The following CFAP53 variants were observed in gnomAD, a reference collection of about 807,000 sequenced individuals.
CFAP53 encodes the protein cilia and flagella associated protein 53.
In CFAP53, 62 loss-of-function variants were observed where a neutral mutation model predicts 59.7. The observed-to-expected ratio is 1.04, with a 90% CI of 0.85 to 1.28. CFAP53 has a LOEUF of 1.28. CFAP53 is among the 50% of genes most tolerant of loss of function. The pLI, the probability that CFAP53 is intolerant of heterozygous loss-of-function variation, is 0.00. For synonymous variants in CFAP53, 218 were observed against 205.7 expected (o/e 1.06, Z -0.51); for missense variants, 629 against 615.6 (o/e 1.02, Z -0.23).
chr18:50,252,848 T>C (rs556697680), intron 3 of CFAP53, among the ~76,000 whole-genome samples: 1 of 152,326 alleles, frequency 6.6e-6, no homozygotes, highest in East Asian at 1.9e-4. Flanking sequence ...ACCTTGTCTC[T>C]ACAAAAGTTT....
intron 7 of CFAP53, among the ~76,000 whole-genome samples, chr18:50,237,509 A>G (rs2033649540): frequency 1.3e-5 from 2 of 150,574 alleles, no homozygotes; most frequent in South Asian, 4.3e-4. Context: ...TGAGAATAAG[A>G]TCAGGCACAT....
At chr18:50,261,345 T>C in intron 2 of CFAP53, 108 bp from the exon 3 acceptor site, 2 of 1,207,834 alleles carry the variant, frequency 1.7e-6, no homozygotes, top group South Asian at 3.6e-5. Flanking sequence ...AAAAGAAAGA[T>C]CACTGCAGTC....
Position 50,266,406 on chromosome 18 carries a change from T to C in CFAP53, c.-2A>G. The C allele has an allele frequency of 6.2e-7, 1 of 1,614,230 alleles. No individual in the cohort carries two copies. Among genetic ancestry groups the C allele is most frequent in the South Asian group, 1.1e-5 (1 of 91,090 alleles). The stretch of plus-strand genomic sequence containing the variant: ...GGTGCCAAACCGCTGGCTGTACATT[T>C]TCGAGTCCCCTTCGGGACGGGGGCG... On this transcript the variant is annotated 5_prime_UTR_variant, in exon 1 of 8. Transcript: ENST00000398545.
At chr18:50,233,871 A>G (rs986450016) in intron 7 of CFAP53, among the ~76,000 whole-genome samples, 8 of 152,198 alleles carry the variant, frequency 5.3e-5, no homozygotes, top group Admixed American at 4.6e-4. Flanking sequence ...ATTTACACAC[A>G]CACCAAAAAC....
At chr18:50,243,319 T>C (rs1195051515) in intron 5 of CFAP53, among the ~76,000 whole-genome samples, 1 of 152,164 alleles carries the variant, frequency 6.6e-6, no homozygotes, top group African/African-American at 2.4e-5. Context: ...GAGACAAGAA[T>C]GGCCATCAGT....
chr18:50,227,410 T>C lies in CFAP53; in HGVS notation c.1516A>G (p.Lys506Glu). ...GGTGGAAGCTTACTGGGGCATGCCTTGCGCATGGGATGAATGTTTTGAGGC... is the reference window on the plus strand; with the variant it reads ...GGTGGAAGCTTACTGGGGCATGCCTCGCGCATGGGATGAATGTTTTGAGGC... ...VLPQNIHPMR[K>E]ACPSKLPP The change falls in exon 8 of 8, where the codon AAG becomes GAG. Residue 506 changes from lysine to glutamate, a missense_variant. Coordinates refer to ENST00000398545, the MANE Select transcript of CFAP53 (RefSeq NM_145020.5). 6.2e-7 allele frequency: 1 copy of C among 1,613,956 alleles called. No homozygotes were observed. Among genetic ancestry groups the C allele is most frequent in the Non-Finnish European group, 8.5e-7 (1 of 1,179,812 alleles).
At chr18:50,240,198 T>C (rs1046765332) in intron 6 of CFAP53, among the ~76,000 whole-genome samples, 3 of 151,824 alleles carry the variant, frequency 2.0e-5, no homozygotes, top group African/African-American at 7.3e-5. Flanking sequence ...CTCATTCAGA[T>C]TACCTGCTCC....
rs71169499 is a variant in CFAP53, at chr18:50,261,252, C to CAAAAAAAAAAAAAAAAAAAAAAA, written c.300-16_300-15insTTTTTTTTTTTTTTTTTTTTTTT. ...GCTCACGTAGCCTGAAACAAAAAGC[C>CAAAAAAAAAAAAAAAAAAAAAAA]AAAAAAAAAAAAAAAAAAAGAAAAC... On this transcript the variant is annotated splice_polypyrimidine_tract_variant and intron_variant, in intron 2 of 7. Coordinates refer to ENST00000398545, the MANE Select transcript of CFAP53 (RefSeq NM_145020.5). 1 of 1,027,566 alleles carries CAAAAAAAAAAAAAAAAAAAAAAA rather than the reference C, an allele frequency of 9.7e-7. No individual in the cohort carries two copies. Among genetic ancestry groups the CAAAAAAAAAAAAAAAAAAAAAAA allele is most frequent in the African/African-American group, 2.0e-5 (1 of 49,340 alleles). The allele number at this position is 1,027,566 out of a possible 1,614,324, so 63.7% of individuals were successfully genotyped here.
chr18:50,262,731 C>T (rs1042631085), intron 1 of CFAP53, among the ~76,000 whole-genome samples: 1 of 151,670 alleles, frequency 6.6e-6, no homozygotes, highest in African/African-American at 2.4e-5. Context: ...TGTGTATATA[C>T]ATGTATATGT....
chr18:50,262,371 T>C (rs2033902191), intron 1 of CFAP53, 152 bp from the exon 2 acceptor site: 1 of 625,994 alleles, frequency 1.6e-6, no homozygotes, highest in Non-Finnish European at 2.8e-6. Context: ...CTTATGCACC[T>C]AAAGAGTAAC....
intron 1 of CFAP53, among the ~76,000 whole-genome samples, chr18:50,262,857 A>AAAAAG (rs2033908313): frequency 6.6e-6 from 1 of 152,170 alleles, no homozygotes; most frequent in Non-Finnish European, 1.5e-5. Flanking sequence ...GGGAAAAGAA[A>AAAAAG]AAAAGCTGGT....
At chr18:50,237,615 T>G (rs1411984678) in intron 7 of CFAP53, among the ~76,000 whole-genome samples, 1 of 151,892 alleles carries the variant, frequency 6.6e-6, no homozygotes, top group African/African-American at 2.4e-5. Context: ...GGGTGACCAG[T>G]AATCAGAGAA....
chr18:50,229,781 G>A (rs2144399159), intron 7 of CFAP53, among the ~76,000 whole-genome samples: 1 of 137,540 alleles, frequency 7.3e-6, no homozygotes, highest in East Asian at 2.1e-4. Context: ...TTGTCACCCA[G>A]GCTGGAGTAC....
At chr18:50,239,365 A>G (rs2033667202) in intron 6 of CFAP53, among the ~76,000 whole-genome samples, 1 of 152,096 alleles carries the variant, frequency 6.6e-6, no homozygotes, top group African/African-American at 2.4e-5. Flanking sequence ...ATAAATAAAT[A>G]AATAAATAAA....
intron 5 of CFAP53, among the ~76,000 whole-genome samples, chr18:50,248,141 A>AC (rs985236070): frequency 8.3e-5 from 11 of 132,228 alleles, no homozygotes; most frequent in South Asian, 2.8e-4. Flanking sequence ...AAAAAAAAAA[A>AC]AAAAACAGAA....
At chr18:50,253,792 T>G (rs2033822807) in intron 3 of CFAP53, among the ~76,000 whole-genome samples, 1 of 152,164 alleles carries the variant, frequency 6.6e-6, no homozygotes, top group African/African-American at 2.4e-5. Flanking sequence ...GTCTGGATTC[T>G]TTGGTGTTTC....
At position 50,227,716 on chromosome 18, in the gene CFAP53, T is replaced by C. The variant is rs982807905; in HGVS notation, c.1317-107A>G. On this transcript the variant is annotated intron_variant, in intron 7 of 7. Transcript: ENST00000398545. ...TTTGTAAAGTCAAATTAAATTCCCA[T>C]TAAAATCAGGGTGAGTGGAGAAGAA... 3 of 878,624 alleles carry C rather than the reference T, an allele frequency of 3.4e-6. No homozygotes were observed. The African/African-American group carries it at 5.1e-5, about 15-fold the overall frequency. The allele number at this position is 878,624 out of a possible 1,614,324, so 54.4% of individuals were successfully genotyped here. A position where few individuals can be genotyped will look rare whatever the true frequency, so the allele number is the denominator to read the frequency against.
intron 7 of CFAP53, among the ~76,000 whole-genome samples, chr18:50,229,526 G>A (rs2033559151): frequency 6.6e-6 from 1 of 152,070 alleles, no homozygotes; most frequent in Non-Finnish European, 1.5e-5. Context: ...TGAATACTGT[G>A]AATAGTGCTA....
rs559579634 is a variant in CFAP53, at chr18:50,255,032, C to T, written c.474-3248G>A. On this transcript the variant is annotated intron_variant, in intron 3 of 7. Coordinates refer to ENST00000398545, the MANE Select transcript of CFAP53 (RefSeq NM_145020.5). ...ACTTATAATAGAGCAAAACTAGAAA[C>T]AACCAAAATGTCCTTCAGTAAGTGA... Among the ~76,000 whole-genome samples, 4 of 152,274 alleles carry T rather than the reference C, an allele frequency of 2.6e-5. No homozygotes were observed. The South Asian group carries it at 8.3e-4, about 32-fold the overall frequency.
Sources: gnomAD v4.1 joint callset for allele counts (sites outside exome capture counted in the v4.1 genomes callset) on GRCh38, gnomAD v4.1.1 for gene constraint, MANE v1.5 for transcripts, NCBI Gene and HGNC (gene_info 2026-07-23, HGNC 2026-07-21) for gene names.